Variants in STARD13 observed in about 807,000 individuals in gnomAD.
The protein encoded by STARD13 is stAR-related lipid transfer protein 13.
STARD13 carries 62 observed loss-of-function variants against 106.4 expected under a neutral mutation model. That is an observed-to-expected ratio of 0.58 (90% CI 0.48 to 0.72). STARD13 has a LOEUF of 0.72. STARD13 is among the 30% of genes least tolerant of loss of function. The pLI is 0.00. For synonymous variants in STARD13, 565 were observed against 553.0 expected (o/e 1.02, Z -0.31); for missense variants, 1,387 against 1,424.0 (o/e 0.97, Z 0.42).
At chr13:33,565,807 C>G in the STARD13 span, among the ~76,000 whole-genome samples, 21 of 148,568 alleles carry the variant, frequency 1.4e-4, 3 homozygotes, top group Non-Finnish European at 2.5e-4. Context: ...TCTCTTCCTA[C>G]TCTAATGAAC....
the STARD13 span, among the ~76,000 whole-genome samples, chr13:33,632,753 A>G: frequency 6.6e-6 from 1 of 151,970 alleles, no homozygotes; most frequent in African/African-American, 2.4e-5. Flanking sequence ...CTACTTTCCT[A>G]TAAGTATAAA....
the STARD13 span, among the ~76,000 whole-genome samples, chr13:33,415,143 C>A: frequency 6.6e-6 from 1 of 152,188 alleles, no homozygotes; most frequent in Admixed American, 6.5e-5. Context: ...CCGAGGCGGG[C>A]GGATCACTAG....
chr13:33,556,296 T>G, the STARD13 span, among the ~76,000 whole-genome samples: 2 of 152,174 alleles, frequency 1.3e-5, no homozygotes, highest in Admixed American at 6.5e-5. Flanking sequence ...AATTTCTTTT[T>G]AAAGAGACAG....
chr13:33,316,390 C>T (rs1893339155), intron 1 of STARD13, among the ~76,000 whole-genome samples: 1 of 152,182 alleles, frequency 6.6e-6, no homozygotes, highest in South Asian at 2.1e-4. Context: ...TAGAAATAAG[C>T]AATCTTGGTT....
chr13:33,320,510 G>A (rs780742629), intron 1 of STARD13, among the ~76,000 whole-genome samples: 1 of 152,160 alleles, frequency 6.6e-6, no homozygotes, highest in African/African-American at 2.4e-5. Context: ...ATGGAAAATG[G>A]CATTTGAAAT....
Position 33,130,206 on chromosome 13 carries a change from G to C in STARD13, c.471C>G (p.Asp157Glu), listed in dbSNP as rs377016377. The change falls in exon 5 of 14, where the codon GAC becomes GAG. Residue 157 changes from aspartate to glutamate, a missense_variant. By Grantham distance (45) the Asp-to-Glu change is conservative. Coordinates refer to ENST00000336934, the MANE Select transcript of STARD13 (RefSeq NM_178006.4). This position sits in a 1 kb window ranked among gnomAD's most constrained non-coding sequence, Gnocchi z 4.1. ...QRTSRRWSRV[D>E]DLYTLLPRGD... is the part of the protein sequence containing the mutation. ...CTCGAGGGAGCAGCGTGTAGAGGTC[G>C]TCCACACGAGACCACCTGCGACTGG... 4 of 1,612,442 alleles carry C rather than the reference G, an allele frequency of 2.5e-6. No homozygotes were observed. Among genetic ancestry groups the C allele is most frequent in the East Asian group, 2.2e-5 (1 of 44,882 alleles).
intron 1 of STARD13, among the ~76,000 whole-genome samples, chr13:33,292,625 A>G (rs1892338438): frequency 6.6e-6 from 1 of 151,804 alleles, no homozygotes. Flanking sequence ...CACCACCCTC[A>G]AAAATATTGG....
At chr13:33,411,709 G>T in the STARD13 span, among the ~76,000 whole-genome samples, 1 of 152,180 alleles carries the variant, frequency 6.6e-6, no homozygotes, top group Non-Finnish European at 1.5e-5. Context: ...CTGCCAAATG[G>T]GTGGAATCAT....
At chr13:33,298,351 A>G (rs4943089) in intron 1 of STARD13, among the ~76,000 whole-genome samples, 143,527 of 149,262 alleles carry the variant, frequency 0.96, 69,272 homozygotes, top group East Asian at 1. Context: ...ATGTTGGTCC[A>G]GTCTAGAACT....
chr13:33,112,595 T>G (rs1874749706), intron 9 of STARD13, 126 bp downstream of exon 9: 1 of 758,604 alleles, frequency 1.3e-6, no homozygotes, highest in Non-Finnish European at 2.1e-6. Context: ...CCTACCTATC[T>G]ATCTATAATC....
chr13:33,177,343 C>A (rs1884622179), intron 1 of STARD13, among the ~76,000 whole-genome samples: 1 of 152,158 alleles, frequency 6.6e-6, no homozygotes, highest in South Asian at 2.1e-4. Context: ...CTTACACACA[C>A]ACAGTCAAAT....
the STARD13 span, among the ~76,000 whole-genome samples, chr13:33,387,748 G>A: frequency 2.0e-5 from 3 of 152,178 alleles, no homozygotes; most frequent in African/African-American, 7.2e-5. Flanking sequence ...CTTCCACCTA[G>A]CAACCTCCAT....
chr13:33,557,345 T>A, the STARD13 span, among the ~76,000 whole-genome samples: 1 of 152,156 alleles, frequency 6.6e-6, no homozygotes, highest in African/African-American at 2.4e-5. Flanking sequence ...TCCAAGAAAG[T>A]ATTATTTCCA....
intron 1 of STARD13, among the ~76,000 whole-genome samples, chr13:33,337,425 T>C (rs1176261540): frequency 6.6e-6 from 1 of 152,216 alleles, no homozygotes; most frequent in Non-Finnish European, 1.5e-5. Flanking sequence ...TTTCCTATTA[T>C]TCCTCAGTAC....
the STARD13 span, among the ~76,000 whole-genome samples, chr13:33,503,611 C>T: frequency 2.0e-5 from 3 of 152,140 alleles, no homozygotes; most frequent in Non-Finnish European, 4.4e-5. Context: ...CAAAGAACAT[C>T]TTTATTTCTG....
the STARD13 span, among the ~76,000 whole-genome samples, chr13:33,560,427 G>C: frequency 1.3e-5 from 2 of 151,092 alleles, no homozygotes; most frequent in African/African-American, 4.9e-5. Context: ...TTCAAAATGG[G>C]AAAAACTTGA....
intron 1 of STARD13, among the ~76,000 whole-genome samples, chr13:33,175,359 G>A (rs1417022660): frequency 2.0e-5 from 3 of 152,158 alleles, no homozygotes; most frequent in Non-Finnish European, 4.4e-5. Context: ...GAAATGCAAG[G>A]CAGGGAACAC....
At chr13:33,378,086 G>T in the STARD13 span, among the ~76,000 whole-genome samples, 1 of 152,246 alleles carries the variant, frequency 6.6e-6, no homozygotes, top group South Asian at 2.1e-4. Context: ...TTAAAGGGGG[G>T]TCTCCAGAGT....
the STARD13 span, among the ~76,000 whole-genome samples, chr13:33,623,428 T>TAAAAAAAA: frequency 5.2e-4 from 31 of 59,330 alleles, no homozygotes; most frequent in Non-Finnish European, 1.0e-3. Flanking sequence ...CTCAATAAAG[T>TAAAAAAAA]AAAAAAAAAA....
Sources: gnomAD v4.1 joint callset for allele counts (sites outside exome capture counted in the v4.1 genomes callset) on GRCh38, gnomAD v4.1.1 for gene constraint, Gnocchi (gnomAD v3.1) non-coding constraint, MANE v1.5 for transcripts, NCBI Gene and HGNC (gene_info 2026-07-23, HGNC 2026-07-21) for gene names.